The following GRM8 variants were observed in gnomAD, a reference collection of about 807,000 sequenced individuals.
The protein encoded by GRM8 is metabotropic glutamate receptor 8.
Under a neutral mutation model 87.2 loss-of-function variants are expected in GRM8, and 47 were observed. That is an observed-to-expected ratio of 0.54 (90% CI 0.43 to 0.69). GRM8 has a LOEUF of 0.69. Among genes scored for constraint, GRM8 ranks in the 30% least tolerant of loss-of-function variants. GRM8 has a pLI of 0.00. For synonymous variants in GRM8, 396 were observed against 404.5 expected (o/e 0.98, Z 0.25); for missense variants, 1,019 against 1,139.2 (o/e 0.89, Z 1.52).
intron 3 of GRM8, among the ~76,000 whole-genome samples, chr7:127,009,417 T>C (rs1814650975): frequency 6.6e-6 from 1 of 152,170 alleles, no homozygotes; most frequent in South Asian, 2.1e-4. Flanking sequence ...CACATGTGTA[T>C]TGTAACTATG....
intron 6 of GRM8, among the ~76,000 whole-genome samples, chr7:126,826,304 C>T (rs1412534427): frequency 6.6e-6 from 1 of 152,174 alleles, no homozygotes; most frequent in Non-Finnish European, 1.5e-5. Flanking sequence ...ACACTGACTT[C>T]CACAATGGTT....
rs112905352 is a variant in GRM8, at chr7:126,804,028, A to G, written c.1157-33963T>C. On this transcript the variant is annotated intron_variant, in intron 6 of 10. Transcript: ENST00000339582. ...TTAAAAATGGAATAGTTAACTTACC[A>G]TTGCTTGTACACTAATCACAAAAGA... Among the ~76,000 whole-genome samples, 1,307 of 152,334 alleles carry G rather than the reference A, an allele frequency of 8.6e-3. 10 individuals carry two copies. The highest frequency in any genetic ancestry group is 0.029 in the African/African-American group (1,219 of 41,578).
intron 2 of GRM8, among the ~76,000 whole-genome samples, chr7:127,160,660 G>A (rs1324886659): frequency 6.6e-6 from 1 of 152,054 alleles, no homozygotes; most frequent in Non-Finnish European, 1.5e-5. Context: ...CCTTTTCTGG[G>A]GAGCTGTGGA....
chr7:126,530,698 G>C (rs970314694), intron 9 of GRM8, among the ~76,000 whole-genome samples: 40 of 152,284 alleles, frequency 2.6e-4, no homozygotes, highest in African/African-American at 9.1e-4. Context: ...GGTCCTCCAA[G>C]GTCAATACAA....
At chr7:126,485,046 C>A (rs1302105240) in intron 9 of GRM8, among the ~76,000 whole-genome samples, 1 of 151,976 alleles carries the variant, frequency 6.6e-6, no homozygotes, top group Non-Finnish European at 1.5e-5. Context: ...ATCAGACTAA[C>A]TCTCCTAACT....
intron 8 of GRM8, among the ~76,000 whole-genome samples, chr7:126,548,540 G>T (rs1439287661): frequency 6.6e-6 from 1 of 152,136 alleles, no homozygotes; most frequent in African/African-American, 2.4e-5. Context: ...CATAACAGGT[G>T]ACACAGTTAT....
intron 6 of GRM8, among the ~76,000 whole-genome samples, chr7:126,831,250 T>G (rs1795338019): frequency 6.6e-6 from 1 of 152,180 alleles, no homozygotes; most frequent in Non-Finnish European, 1.5e-5. Context: ...ACAGGGACAT[T>G]TAAGTCTGCA....
At chr7:126,953,180 A>G (rs1291149704) in intron 3 of GRM8, among the ~76,000 whole-genome samples, 1 of 152,134 alleles carries the variant, frequency 6.6e-6, no homozygotes, top group African/African-American at 2.4e-5. Context: ...CTTTGAAGAG[A>G]AAGACCAGGT....
intron 6 of GRM8, among the ~76,000 whole-genome samples, chr7:126,853,161 A>G (rs1797370858): frequency 6.6e-6 from 1 of 152,200 alleles, no homozygotes; most frequent in African/African-American, 2.4e-5. Context: ...TTTTATGTTA[A>G]CAGTGATGTT....
intron 7 of GRM8, among the ~76,000 whole-genome samples, chr7:126,618,283 T>C (rs1799741637): frequency 6.6e-6 from 1 of 152,174 alleles, no homozygotes; most frequent in Non-Finnish European, 1.5e-5. Flanking sequence ...GGGAAAGGAT[T>C]CCCTATTTAA....
At chr7:126,755,146 T>A (rs368773558) in intron 7 of GRM8, among the ~76,000 whole-genome samples, 13 of 152,030 alleles carry the variant, frequency 8.6e-5, no homozygotes, top group African/African-American at 2.2e-4. Context: ...CTCATTTTTT[T>A]AAACAATATC....
At chr7:127,224,334 G>A (rs1162426656) in intron 2 of GRM8, among the ~76,000 whole-genome samples, 1 of 152,204 alleles carries the variant, frequency 6.6e-6, no homozygotes, top group Non-Finnish European at 1.5e-5. Context: ...CATAGGGGAA[G>A]AACAATTTGA....
At chr7:127,089,545 A>G (rs1823851698) in intron 3 of GRM8, among the ~76,000 whole-genome samples, 1 of 152,238 alleles carries the variant, frequency 6.6e-6, no homozygotes, top group African/African-American at 2.4e-5. Context: ...CCAGCACACC[A>G]GAAAGCAGAG....
At chr7:126,728,732 T>C (rs1223142176) in intron 7 of GRM8, among the ~76,000 whole-genome samples, 1 of 152,168 alleles carries the variant, frequency 6.6e-6, no homozygotes, top group Non-Finnish European at 1.5e-5. Flanking sequence ...CTCAGAAAAC[T>C]GATCAGCTCA....
At chr7:126,860,043 A>G (rs1424133911) in intron 6 of GRM8, among the ~76,000 whole-genome samples, 2 of 152,228 alleles carry the variant, frequency 1.3e-5, no homozygotes, top group African/African-American at 4.8e-5. Flanking sequence ...ACATTTAACT[A>G]TAAAAACAAT....
intron 6 of GRM8, among the ~76,000 whole-genome samples, chr7:126,796,576 G>T (rs1439626970): frequency 6.6e-6 from 1 of 151,918 alleles, no homozygotes; most frequent in Non-Finnish European, 1.5e-5. Context: ...TAGGAACCTG[G>T]TGATTTAGTG....
intron 6 of GRM8, among the ~76,000 whole-genome samples, chr7:126,877,873 G>T (rs561547990): frequency 2.0e-5 from 3 of 152,254 alleles, no homozygotes; most frequent in African/African-American, 7.2e-5. Context: ...CTGTCATTGA[G>T]CACTTTGAAC....
At chr7:126,536,933 C>T (rs1014382617) in intron 8 of GRM8, among the ~76,000 whole-genome samples, 3 of 152,098 alleles carry the variant, frequency 2.0e-5, no homozygotes, top group East Asian at 1.9e-4. Context: ...AACCACATGT[C>T]GGAAGCTTTA....
At chr7:127,092,602 G>T (rs1284362989) in intron 3 of GRM8, among the ~76,000 whole-genome samples, 1 of 152,182 alleles carries the variant, frequency 6.6e-6, no homozygotes, top group African/African-American at 2.4e-5. Context: ...AGCTACTTGG[G>T]AGGCTAAGGC....
Sources: gnomAD v4.1 joint callset for allele counts (sites outside exome capture counted in the v4.1 genomes callset) on GRCh38, gnomAD v4.1.1 for gene constraint, MANE v1.5 for transcripts, NCBI Gene and HGNC (gene_info 2026-07-23, HGNC 2026-07-21) for gene names.